RFTN1: variants seen among roughly 807,000 people sequenced by gnomAD.
The protein encoded by RFTN1 is raftlin.
A neutral mutation model predicts 46.5 loss-of-function variants in RFTN1; 26 were observed. The observed-to-expected ratio is 0.56, with a 90% CI of 0.41 to 0.78. RFTN1 has a LOEUF of 0.78. Among genes scored for constraint, RFTN1 ranks in the 30% least tolerant of loss-of-function variants. The pLI is 0.00. For missense variants in RFTN1, 693 were observed against 718.7 expected, an observed-to-expected ratio of 0.96 and a Z score of 0.41; for synonymous variants, 261 against 284.2, an observed-to-expected ratio of 0.92 and a Z score of 0.82.
rs1222459954 is a variant in RFTN1 at position 16,385,383 on chromosome 3, C to T, written c.442-7281G>A. 2.0e-5 allele frequency among the ~76,000 whole-genome samples: 3 copies of T among 152,118 alleles called. No individual in the cohort carries two copies. Among genetic ancestry groups the T allele is most frequent in the African/African-American group, 4.8e-5 (2 of 41,414 alleles). On this transcript the variant is annotated intron_variant, in intron 4 of 9. Transcript: ENST00000334133. The surrounding 1 kb of genome is among the most constrained non-coding windows in gnomAD (Gnocchi z 5.0). ...CCAGGCGCTGCTGGATGTTTAGCTC[C>T]GTTTTAGGGCCACAAGGAAAGATCA... is the stretch of plus-strand genomic sequence containing the variant.
At chr3:16,467,224 A>C (rs1442470441) in intron 2 of RFTN1, among the ~76,000 whole-genome samples, 1 of 152,180 alleles carries the variant, frequency 6.6e-6, no homozygotes, top group African/African-American at 2.4e-5. Context: ...AGAATAATCA[A>C]GTGGATATGA....
rs1458739229 is a variant in RFTN1 at position 16,402,226 on chromosome 3, T to C, written c.441+7149A>G. 6.6e-6 allele frequency among the ~76,000 whole-genome samples: 1 copy of C among 152,196 alleles called. No individual in the cohort carries two copies. Among genetic ancestry groups the C allele is most frequent in the Non-Finnish European group, 1.5e-5 (1 of 68,030 alleles). ...CTCTCTCCTTCAATGACACGAAGGT[T>C]TAGTGAGTATTCCTCTTTCTCTTTC... On this transcript the variant is annotated intron_variant, in intron 4 of 9. Transcript: ENST00000334133. This position sits in a 1 kb window ranked among gnomAD's most constrained non-coding sequence, Gnocchi z 4.5.
rs1237347410 is a variant in RFTN1 at position 16,483,003 on chromosome 3, C to CT, written c.145+10721dup. ...CCCTTCTAGCCATCCACCTTCCCTC[C>CT]TCCAGGGCTTCTGACATTTTGCTCC... On this transcript the variant is annotated intron_variant, in intron 2 of 9. Transcript: ENST00000334133. This position sits in a 1 kb window ranked among gnomAD's most constrained non-coding sequence, Gnocchi z 4.8. 2 of 609,862 alleles carry CT rather than the reference C, an allele frequency of 3.3e-6. No individual in the cohort carries two copies. The highest frequency in any genetic ancestry group is 5.8e-6 in the Non-Finnish European group (2 of 347,024). The allele number at this position is 609,862 out of a possible 1,614,324, so 37.8% of individuals were successfully genotyped here. A position where few individuals can be genotyped will look rare whatever the true frequency, so the allele number is the denominator to read the frequency against.
intron 2 of RFTN1, among the ~76,000 whole-genome samples, chr3:16,462,853 T>C (rs2076029255): frequency 6.6e-6 from 1 of 152,166 alleles, no homozygotes; most frequent in African/African-American, 2.4e-5. Context: ...ACAGTGACAA[T>C]GATAAAGCCA....
At chr3:16,496,115 T>C (rs1056544244) in intron 1 of RFTN1, among the ~76,000 whole-genome samples, 16 of 152,250 alleles carry the variant, frequency 1.1e-4, no homozygotes, top group African/African-American at 3.9e-4. Flanking sequence ...AAATAAGCTA[T>C]TTGCAATACA....
intron 4 of RFTN1, among the ~76,000 whole-genome samples, chr3:16,393,474 T>C (rs947096736): frequency 2.0e-5 from 3 of 152,152 alleles, no homozygotes; most frequent in African/African-American, 7.2e-5. Context: ...CTCCTGGATT[T>C]TACCCCCTAA....
chr3:16,445,483 TCACACACA>T (rs10681518), intron 2 of RFTN1, among the ~76,000 whole-genome samples: 25 of 126,856 alleles, frequency 2.0e-4, no homozygotes, highest in South Asian at 2.9e-4. Flanking sequence ...TCTCTCTCTC[TCACACACA>T]CACACACACA....
In RFTN1 at chr3:16,370,009, TAAG is replaced by T. The variant is rs984753716; in HGVS notation, c.1030+64_1030+66del. The T allele has an allele frequency of 2.4e-5, 34 of 1,435,062 alleles. No homozygotes were observed. The highest frequency in any genetic ancestry group is 3.0e-5 in the Non-Finnish European group (31 of 1,018,384). 88.9% of individuals were successfully genotyped at this position (1,435,062 alleles called of 1,614,324 possible). ...AATGAAGCAGACTCTGAAGAGGGAC[TAAG>T]ATTTCAAGAGTTAGAAGCAGAGTTC... On this transcript the variant is annotated intron_variant, in intron 6 of 9. Coordinates refer to ENST00000334133, the MANE Select transcript of RFTN1 (RefSeq NM_015150.2). This position sits in a 1 kb window ranked among gnomAD's most constrained non-coding sequence, Gnocchi z 5.5.
rs11328874 is a variant in RFTN1 at position 16,468,631 on chromosome 3, TAAA to T, written c.145+25091_145+25093del. ...CCTCACGTACAACCCAGCGTTTGAG[TAAA>T]AAAAAAAAAAAAAAAAACTTTACTC... is the stretch of plus-strand genomic sequence containing the variant. On this transcript the variant is annotated intron_variant, in intron 2 of 9. Transcript: ENST00000334133. This position sits in a 1 kb window ranked among gnomAD's most constrained non-coding sequence, Gnocchi z 4.4. Among the ~76,000 whole-genome samples the T allele has an allele frequency of 6.9e-4, 69 of 100,152 alleles. No individual in the cohort carries two copies. Among genetic ancestry groups the T allele is most frequent in the Non-Finnish European group, 1.1e-3 (52 of 45,356 alleles). The allele number at this position is 100,152 out of a possible 152,430, so 65.7% of individuals were successfully genotyped here.
chr3:16,490,495 C>G (rs1236690171), intron 2 of RFTN1, among the ~76,000 whole-genome samples: 2 of 152,192 alleles, frequency 1.3e-5, no homozygotes, highest in Non-Finnish European at 2.9e-5. Flanking sequence ...ACAGAAAGCC[C>G]TGAGCTCTGG....
Position 16,321,115 on chromosome 3 carries a change from G to T in RFTN1, c.1332+2261C>A, listed in dbSNP as rs1406580079. ...AGGGTCAGCAGGGATAGCCCCTAAG[G>T]TGCAATGCCATTCCTCTAGATAGGG... On this transcript the variant is annotated intron_variant, in intron 9 of 9. Coordinates refer to ENST00000334133, the MANE Select transcript of RFTN1 (RefSeq NM_015150.2). The surrounding 1 kb of genome is among the most constrained non-coding windows in gnomAD (Gnocchi z 4.8). Among the ~76,000 whole-genome samples, 1 of 152,140 alleles carries T rather than the reference G, an allele frequency of 6.6e-6. No homozygotes were observed. The highest frequency in any genetic ancestry group is 1.5e-5 in the Non-Finnish European group (1 of 68,018).
chr3:16,369,816 C>T lies in RFTN1; in HGVS notation c.1030+260G>A, dbSNP rs78616751. On this transcript the variant is annotated intron_variant, in intron 6 of 9. Coordinates refer to ENST00000334133, the MANE Select transcript of RFTN1 (RefSeq NM_015150.2). Reference sequence around the variant, plus strand: ...CTTTAAAAGCAACAGAGACTGAGGCCACCTTCGATGAAATAGAATCACTCC... The same window carrying T: ...CTTTAAAAGCAACAGAGACTGAGGCTACCTTCGATGAAATAGAATCACTCC... 2.2e-3 allele frequency among the ~76,000 whole-genome samples: 334 copies of T among 152,302 alleles called. 3 individuals carry two copies. The highest frequency in any genetic ancestry group is 7.8e-3 in the African/African-American group (326 of 41,554).
intron 4 of RFTN1, among the ~76,000 whole-genome samples, chr3:16,396,720 G>A (rs772631329): frequency 4.6e-5 from 7 of 152,138 alleles, no homozygotes; most frequent in Non-Finnish European, 8.8e-5. Flanking sequence ...AGATTCATTT[G>A]AATCTATGGC....
At chr3:16,493,696 C>T (rs1184887510) in intron 2 of RFTN1, 29 bp downstream of exon 2, 2 of 1,603,024 alleles carry the variant, frequency 1.2e-6, no homozygotes, top group Non-Finnish European at 1.7e-6. Context: ...CCCCACCTGC[C>T]CCCATCCATT....
chr3:16,328,009 C>A (rs940052492), intron 7 of RFTN1, among the ~76,000 whole-genome samples: 1 of 152,232 alleles, frequency 6.6e-6, no homozygotes. Context: ...AAACATGTAT[C>A]CAGATTCCTT....
chr3:16,339,541 G>C (rs1197902051), intron 7 of RFTN1: 1 of 152,164 alleles, frequency 6.6e-6, no homozygotes, highest in East Asian at 1.9e-4. Context: ...TAACAGATGC[G>C]CTGCCGGGTC....
At chr3:16,471,596 A>T (rs2076197021) in intron 2 of RFTN1, among the ~76,000 whole-genome samples, 1 of 152,096 alleles carries the variant, frequency 6.6e-6, no homozygotes, top group Non-Finnish European at 1.5e-5. Context: ...CAATTACAGA[A>T]CAGGGAGTAG....
Position 16,338,113 on chromosome 3 carries a change from C to T in RFTN1, c.1147-11237G>A, listed in dbSNP as rs1179094236. ...TAACATTCTCCTGGATTCTGGGACACGCTGGGTGATCTGGTCCTGGTACAT... is the reference window on the plus strand; with the variant it reads ...TAACATTCTCCTGGATTCTGGGACATGCTGGGTGATCTGGTCCTGGTACAT... On this transcript the variant is annotated intron_variant, in intron 7 of 9. Coordinates refer to ENST00000334133, the MANE Select transcript of RFTN1 (RefSeq NM_015150.2). This position sits in a 1 kb window ranked among gnomAD's most constrained non-coding sequence, Gnocchi z 5.3. Among the ~76,000 whole-genome samples the T allele has an allele frequency of 2.0e-5, 3 of 152,232 alleles. No individual in the cohort carries two copies. Among genetic ancestry groups the T allele is most frequent in the East Asian group, 1.9e-4 (1 of 5,204 alleles).
intron 1 of RFTN1, among the ~76,000 whole-genome samples, chr3:16,496,471 T>A (rs534089149): frequency 1.1e-4 from 17 of 152,222 alleles, no homozygotes; most frequent in Non-Finnish European, 2.2e-4. Flanking sequence ...CCAAGGAACA[T>A]AAGAGAAGAA....
Sources: allele counts gnomAD v4.1 joint callset (sites outside exome capture counted in the v4.1 genomes callset), GRCh38; gene constraint gnomAD v4.1.1; non-coding constraint Gnocchi (gnomAD v3.1); transcripts MANE v1.5; gene names NCBI Gene and HGNC (gene_info 2026-07-23, HGNC 2026-07-21).